CFAP92: variants seen among roughly 807,000 people sequenced by gnomAD.
CFAP92 encodes uncharacterized protein CFAP92.
CFAP92 carries 86 observed loss-of-function variants against 106.3 expected under a neutral mutation model. The observed-to-expected ratio is 0.81, with a 90% CI of 0.68 to 0.97. The LOEUF is 0.97. Among genes scored for constraint, CFAP92 ranks in the 50% least tolerant of loss-of-function variants. The pLI, the probability that CFAP92 is intolerant of heterozygous loss-of-function variation, is 0.00. For missense variants in CFAP92, 1,204 were observed against 1,283.8 expected, an observed-to-expected ratio of 0.94 and a Z score of 0.95; for synonymous variants, 477 against 506.4, an observed-to-expected ratio of 0.94 and a Z score of 0.78.
In CFAP92 at chr3:128,910,171, A is replaced by G. The variant is rs1936106118; in HGVS notation, c.*128T>C. On this transcript the variant is annotated 3_prime_UTR_variant, in exon 16 of 16. Transcript: ENST00000645291. Reference sequence around the variant, plus strand: ...CGAGGTGAGCCCAGCCCAGCCTCACACAGGGCCTGGCTGCTGCCATCTGTC... The same window carrying G: ...CGAGGTGAGCCCAGCCCAGCCTCACGCAGGGCCTGGCTGCTGCCATCTGTC... The G allele has an allele frequency of 6.2e-7, 1 of 1,613,792 alleles. No homozygotes were observed. Among genetic ancestry groups the G allele is most frequent in the Non-Finnish European group, 8.5e-7 (1 of 1,180,044 alleles).
chr3:128,946,605 C>A (rs373576991), intron 9 of CFAP92, among the ~76,000 whole-genome samples: 2 of 152,206 alleles, frequency 1.3e-5, no homozygotes, highest in Admixed American at 6.5e-5. Context: ...GGTCTGAATT[C>A]GTAATCTAAA....
chr3:129,013,610 G>A, the CFAP92 span, among the ~76,000 whole-genome samples: 18 of 152,174 alleles, frequency 1.2e-4, no homozygotes, highest in Non-Finnish European at 1.9e-4. Flanking sequence ...CTCTTTCCCA[G>A]TAGTTCCAAC....
At chr3:128,984,918 T>G (rs1248919323) in intron 4 of CFAP92, among the ~76,000 whole-genome samples, 1 of 152,146 alleles carries the variant, frequency 6.6e-6, no homozygotes, top group Admixed American at 6.5e-5. Flanking sequence ...AAGAAATCTT[T>G]TTACGTGAGA....
At chr3:129,002,279 G>C in intron 1 of CFAP92, 1 of 1,529,594 alleles carries the variant, frequency 6.5e-7, no homozygotes, top group Non-Finnish European at 8.7e-7. Context: ...TGGAGGACCT[G>C]CGCGCCGCGC....
At chr3:129,013,640 G>A in the CFAP92 span, among the ~76,000 whole-genome samples, 3 of 152,126 alleles carry the variant, frequency 2.0e-5, no homozygotes, top group Non-Finnish European at 4.4e-5. Flanking sequence ...ACCCATCCTG[G>A]AACCAGTCAC....
At chr3:128,987,069 G>A (rs1466229793) in intron 4 of CFAP92, among the ~76,000 whole-genome samples, 1 of 152,176 alleles carries the variant, frequency 6.6e-6, no homozygotes, top group African/African-American at 2.4e-5. Context: ...GCTGAGGCAG[G>A]AGAATGGCTT....
intron 5 of CFAP92, 27 bp from the exon 6 acceptor site, chr3:128,977,093 G>A (rs748737645): frequency 6.3e-7 from 1 of 1,592,460 alleles, no homozygotes; most frequent in South Asian, 1.1e-5. Flanking sequence ...ATATTTCCAA[G>A]CTTTTTGTTA....
chr3:128,961,681 G>C (rs1185950565), intron 9 of CFAP92, among the ~76,000 whole-genome samples: 1 of 152,138 alleles, frequency 6.6e-6, no homozygotes, highest in South Asian at 2.1e-4. Flanking sequence ...ACCCTGAGAC[G>C]CTTTACAGCC....
chr3:128,994,203 C>A (rs1944394323), upstream of CFAP92: 3 of 955,710 alleles, frequency 3.1e-6, no homozygotes. Flanking sequence ...CTTTCCCCCT[C>A]AGCCACTGCG....
At chr3:129,015,020 G>A in the CFAP92 span, among the ~76,000 whole-genome samples, 1 of 152,112 alleles carries the variant, frequency 6.6e-6, no homozygotes, top group Non-Finnish European at 1.5e-5. Flanking sequence ...CTAGCCTCCT[G>A]ACTGGTGTCC....
chr3:128,943,924 T>TG (rs1189256946), intron 10 of CFAP92, among the ~76,000 whole-genome samples: 1 of 144,878 alleles, frequency 6.9e-6, no homozygotes, highest in Non-Finnish European at 1.5e-5. Context: ...TCCCCCGTTT[T>TG]TTTTTTTTTT....
chr3:128,977,959 A>G, intron 5 of CFAP92, 86 bp downstream of exon 5: 1 of 1,546,510 alleles, frequency 6.5e-7, no homozygotes, highest in Non-Finnish European at 8.9e-7. Flanking sequence ...ACGCCCATGC[A>G]GATGCATTGC....
chr3:128,960,571 G>A (rs940676305), intron 9 of CFAP92, among the ~76,000 whole-genome samples: 11 of 152,160 alleles, frequency 7.2e-5, no homozygotes, highest in East Asian at 5.8e-4. Flanking sequence ...CTCCGGCGCC[G>A]GTCACGGACT....
chr3:128,918,264 G>C (rs1014193545), intron 12 of CFAP92, among the ~76,000 whole-genome samples: 3 of 152,214 alleles, frequency 2.0e-5, no homozygotes, highest in African/African-American at 7.2e-5. Context: ...GAGGTCAGAA[G>C]TTCAAGACCA....
intron 9 of CFAP92, among the ~76,000 whole-genome samples, chr3:128,947,519 G>C (rs1940346242): frequency 6.6e-6 from 1 of 152,196 alleles, no homozygotes; most frequent in African/African-American, 2.4e-5. Flanking sequence ...CTATAAGCAA[G>C]ACAGTGTCGT....
intron 4 of CFAP92, among the ~76,000 whole-genome samples, chr3:128,986,750 C>T (rs1038888783): frequency 7.9e-5 from 12 of 152,186 alleles, no homozygotes; most frequent in African/African-American, 2.9e-4. Context: ...TGTTCAGGAA[C>T]ATGCCCAAGT....
chr3:128,912,611 AGGGGAC>A (rs760500708), intron 15 of CFAP92: 4 of 1,613,084 alleles, frequency 2.5e-6, no homozygotes, highest in Non-Finnish European at 3.4e-6. Context: ...ATGCTGAGGC[AGGGGAC>A]AGTGTCCCCT....
chr3:129,025,261 AG>A, the CFAP92 span, among the ~76,000 whole-genome samples: 1 of 152,132 alleles, frequency 6.6e-6, no homozygotes. Flanking sequence ...AGGTCCTCAG[AG>A]GGCATCCCAG....
intron 12 of CFAP92, among the ~76,000 whole-genome samples, chr3:128,924,616 GT>G (rs950053748): frequency 2.6e-5 from 3 of 114,196 alleles, no homozygotes; most frequent in Non-Finnish European, 5.1e-5. Context: ...GGCTCATTTT[GT>G]ATTTTTTTTA....
Sources: allele counts gnomAD v4.1 joint callset (sites outside exome capture counted in the v4.1 genomes callset), GRCh38; gene constraint gnomAD v4.1.1; transcripts MANE v1.5; gene names NCBI Gene and HGNC (gene_info 2026-07-23, HGNC 2026-07-21).